The following PKD1L1 variants were observed in gnomAD, a reference collection of about 807,000 sequenced individuals.
The protein encoded by PKD1L1 is polycystin 1 like 1, transient receptor potential channel interacting.
PKD1L1 carries 236 observed loss-of-function variants against 323.4 expected under a neutral mutation model. The ratio of observed to expected loss-of-function variants is 0.73; its 90% CI spans 0.66 to 0.81. The LOEUF is 0.81. Ranked by LOEUF, PKD1L1 falls within the 40% of genes least tolerant of loss-of-function variation. The pLI, the probability that PKD1L1 is intolerant of heterozygous loss-of-function variation, is 0.00. For synonymous variants in PKD1L1, 1,344 were observed against 1,335.0 expected (o/e 1.01, Z -0.15); for missense variants, 3,320 against 3,508.0 (o/e 0.95, Z 1.35).
At chr7:47,864,576 T>TTTTCTTTCTTTCTTCC (rs1786107275) in intron 26 of PKD1L1, among the ~76,000 whole-genome samples, 1 of 107,520 alleles carries the variant, frequency 9.3e-6, no homozygotes, top group Non-Finnish European at 1.9e-5. Flanking sequence ...TTTTTCTTTC[T>TTTTCTTTCTTTCTTCC]TTTCTTTCTT....
intron 12 of PKD1L1, 63 bp from the exon 13 acceptor site, chr7:47,902,574 A>T: frequency 6.4e-7 from 1 of 1,552,994 alleles, no homozygotes; most frequent in Non-Finnish European, 8.8e-7. Flanking sequence ...GCTTTCATTC[A>T]CTCTTCATAC....
intron 47 of PKD1L1, among the ~76,000 whole-genome samples, chr7:47,815,127 C>T (rs1784987452): frequency 6.6e-6 from 1 of 152,168 alleles, no homozygotes; most frequent in African/African-American, 2.4e-5. Context: ...TGCAGCTCAG[C>T]AGGGTGTAAT....
At chr7:47,831,133 T>C (rs1785340547) in intron 42 of PKD1L1, 84 bp downstream of exon 42, 1 of 1,493,750 alleles carries the variant, frequency 6.7e-7, no homozygotes, top group Non-Finnish European at 9.1e-7. Flanking sequence ...ATCTGATGAG[T>C]TCCCAGAAAT....
In PKD1L1 at chr7:47,855,896, A is replaced by G. The variant is rs1281088793; in HGVS notation, c.4591-631T>C. Among the ~76,000 whole-genome samples the G allele has an allele frequency of 1.7e-4, 16 of 95,450 alleles. 2 individuals are homozygous for G. The highest frequency in any genetic ancestry group is 8.6e-4 in the African/African-American group (14 of 16,218). 62.6% of individuals were successfully genotyped at this position (95,450 alleles called of 152,430 possible). A position where few individuals can be genotyped will look rare whatever the true frequency, so the allele number is the denominator to read the frequency against. On this transcript the variant is annotated intron_variant, in intron 28 of 56. Transcript: ENST00000289672. ...GTCTCAAAAAAAAAAAAAAAAAAAA[A>G]AAAAGAAAAGTATATGCAAGAGTGA...
At chr7:47,923,194 C>G (rs1353914405) in intron 7 of PKD1L1, among the ~76,000 whole-genome samples, 2 of 152,104 alleles carry the variant, frequency 1.3e-5, no homozygotes, top group Admixed American at 6.5e-5. Flanking sequence ...ACAAACACTG[C>G]GGAAGGCGGT....
chr7:47,830,245 G>T, intron 42 of PKD1L1, 121 bp from the exon 43 acceptor site: 1 of 752,200 alleles, frequency 1.3e-6, no homozygotes, highest in Non-Finnish European at 2.2e-6. Flanking sequence ...GTGGCAGGAA[G>T]CCTGCTGTGG....
intron 18 of PKD1L1, 90 bp from the exon 19 acceptor site, chr7:47,884,747 C>T: frequency 1.9e-6 from 2 of 1,045,642 alleles, no homozygotes; most frequent in Non-Finnish European, 3.0e-6. Context: ...TCACATTGTC[C>T]TTGGTGTATT....
At chr7:47,811,758 C>G (rs1784901098) in intron 50 of PKD1L1, 59 bp downstream of exon 50, 1 of 1,408,410 alleles carries the variant, frequency 7.1e-7, no homozygotes, top group African/African-American at 1.4e-5. Flanking sequence ...AAGCCCAGCC[C>G]AGGTGAAGCC....
At chr7:47,854,834 A>G (rs1785860602) in intron 30 of PKD1L1, 48 bp downstream of exon 30, 1 of 1,580,228 alleles carries the variant, frequency 6.3e-7, no homozygotes, top group African/African-American at 1.4e-5. Context: ...ATTCTTAAGG[A>G]CAATATGTCT....
At chr7:47,848,741 G>T (rs779384158) in intron 31 of PKD1L1, among the ~76,000 whole-genome samples, 1 of 152,170 alleles carries the variant, frequency 6.6e-6, no homozygotes, top group African/African-American at 2.4e-5. Flanking sequence ...GGAGGTGAAG[G>T]TTGTGGTGAG....
intron 50 of PKD1L1, 139 bp from the exon 51 acceptor site, chr7:47,809,716 G>T (rs939748323): frequency 3.4e-6 from 2 of 591,016 alleles, no homozygotes; most frequent in East Asian, 3.1e-5. Context: ...TTCTGCAGAG[G>T]TTTAATCCTA....
intron 4 of PKD1L1, among the ~76,000 whole-genome samples, chr7:47,932,904 A>C (rs907256959): frequency 6.6e-6 from 1 of 152,190 alleles, no homozygotes; most frequent in Non-Finnish European, 1.5e-5. Flanking sequence ...TGGTGGAGGC[A>C]CGTTGGAGGA....
chr7:47,944,518 C>A (rs542857247), intron 1 of PKD1L1, among the ~76,000 whole-genome samples: 2 of 152,350 alleles, frequency 1.3e-5, no homozygotes, highest in East Asian at 3.9e-4. Context: ...GCGAAGCTCA[C>A]ACCATCAGTG....
intron 20 of PKD1L1, 47 bp downstream of exon 20, chr7:47,881,862 G>A: frequency 1.3e-6 from 2 of 1,505,536 alleles, no homozygotes; most frequent in Non-Finnish European, 1.8e-6. Context: ...ATATCTAAAA[G>A]CTTCAGAAAC....
intron 52 of PKD1L1, 48 bp downstream of exon 52, chr7:47,808,199 A>G (rs778469107): frequency 6.3e-7 from 1 of 1,599,856 alleles, no homozygotes; most frequent in Non-Finnish European, 8.5e-7. Context: ...TTTGGATGGC[A>G]TCACAGTGCA....
At chr7:47,813,787 C>A in intron 48 of PKD1L1, 144 bp downstream of exon 48, 1 of 712,090 alleles carries the variant, frequency 1.4e-6, no homozygotes. Flanking sequence ...GGCTCGCCCT[C>A]TCCCCAGCCC....
rs932015523 is a variant in PKD1L1, at chr7:47,858,775, G to A, written c.4260C>T (p.Ile1420=). Residue 1420 remains isoleucine (I), a synonymous_variant, in exon 27 of 57, where the codon ATC becomes ATT. Coordinates refer to ENST00000289672, the MANE Select transcript of PKD1L1 (RefSeq NM_138295.5). The stretch of plus-strand genomic sequence containing the variant: ...CTTCCCAGACTCTGGATATGAGACC[G>A]ATGAGCTCAAGCCTCACTCCTTTGT... ...VIDKGVRLEL[I]GLISRVWEVS... is the part of the protein sequence containing the mutation. 10 of 1,614,016 alleles carry A rather than the reference G, an allele frequency of 6.2e-6. No homozygotes were observed. In the African/African-American group the frequency reaches 8.0e-5, roughly 13 times the overall value.
rs531505971 is a variant in PKD1L1 at position 47,866,617 on chromosome 7, G to C, written c.3897-3C>G. ...GGTTTTTCAGGCTGGAATTATACCT[G>C]AAGGAAACACAAGAGTTATCATTAC... On this transcript the variant is annotated splice_region_variant and splice_polypyrimidine_tract_variant and intron_variant, in intron 24 of 56. Transcript: ENST00000289672. 2 of 1,593,916 alleles carry C rather than the reference G, an allele frequency of 1.3e-6. No homozygotes were observed. The highest frequency in any genetic ancestry group is 2.2e-5 in the East Asian group (1 of 44,562).
chr7:47,957,862 A>ATATATATATATATATATATATATAT, the PKD1L1 span, among the ~76,000 whole-genome samples: 10 of 134,694 alleles, frequency 7.4e-5, no homozygotes, highest in East Asian at 1.4e-3. Flanking sequence ...ATTAAAAAAA[A>ATATATATATATATATATATATATAT]ATATATATAT....
Sources: allele counts gnomAD v4.1 joint callset (sites outside exome capture counted in the v4.1 genomes callset), GRCh38; gene constraint gnomAD v4.1.1; transcripts MANE v1.5; gene names NCBI Gene and HGNC (gene_info 2026-07-23, HGNC 2026-07-21).